IQUB: variants seen among roughly 807,000 people sequenced by gnomAD.
IQUB encodes the protein IQ motif and ubiquitin-like domain-containing protein.
A neutral mutation model predicts 86.4 loss-of-function variants in IQUB; 86 were observed. That is an observed-to-expected ratio of 1.00 (90% CI 0.84 to 1.19). IQUB has a LOEUF of 1.19. Among genes scored for constraint, IQUB ranks in the 50% most tolerant of loss-of-function variants. The probability of loss-of-function intolerance (pLI) is 0.00; values close to 1 mark genes in which losing one functional copy is unlikely to be tolerated. For synonymous variants in IQUB, 289 were observed against 304.5 expected (o/e 0.95, Z 0.53); for missense variants, 946 against 916.9 (o/e 1.03, Z -0.41).
chr7:123,466,564 G>A (rs1187862952), intron 9 of IQUB, among the ~76,000 whole-genome samples: 1 of 152,090 alleles, frequency 6.6e-6, no homozygotes, highest in African/African-American at 2.4e-5. Flanking sequence ...CTGCTGCTAT[G>A]GAGATCTGTC....
chr7:123,507,648 G>T (rs1796241777), intron 3 of IQUB, among the ~76,000 whole-genome samples: 1 of 152,080 alleles, frequency 6.6e-6, no homozygotes, highest in Non-Finnish European at 1.5e-5. Context: ...TGCAAGGCGG[G>T]TGGATCATGA....
intron 7 of IQUB, among the ~76,000 whole-genome samples, chr7:123,487,785 T>C (rs1168945818): frequency 6.6e-6 from 1 of 152,226 alleles, no homozygotes; most frequent in Non-Finnish European, 1.5e-5. Flanking sequence ...GGCTGTCACA[T>C]GTATACACAC....
chr7:123,483,602 A>G (rs1472719602), intron 7 of IQUB, among the ~76,000 whole-genome samples: 1 of 152,114 alleles, frequency 6.6e-6, no homozygotes, highest in African/African-American at 2.4e-5. Context: ...CAAGAATAAC[A>G]TAATTCCTTC....
intron 1 of IQUB, among the ~76,000 whole-genome samples, chr7:123,528,855 T>C (rs1797386596): frequency 6.6e-6 from 1 of 152,230 alleles, no homozygotes; most frequent in Non-Finnish European, 1.5e-5. Flanking sequence ...AAGGAGCTAA[T>C]TTTATTGGTT....
At chr7:123,475,925 C>T (rs1229005332) in intron 8 of IQUB, among the ~76,000 whole-genome samples, 1 of 152,124 alleles carries the variant, frequency 6.6e-6, no homozygotes, top group Non-Finnish European at 1.5e-5. Flanking sequence ...TTATAGCTTT[C>T]CTACAGTAAA....
rs906601416 is a variant in IQUB at position 123,486,726 on chromosome 7, G to A, written c.1235-6756C>T. ...CTGTTTTACAGATTTCATTTAATTT[G>A]CCCTTTACTCTCCTAGGACTACACT... On this transcript the variant is annotated intron_variant, in intron 7 of 12. Transcript: ENST00000324698. 2.6e-5 allele frequency among the ~76,000 whole-genome samples: 4 copies of A among 152,200 alleles called. No individual in the cohort carries two copies. The South Asian group carries it at 6.2e-4, about 24-fold the overall frequency.
chr7:123,480,013 C>T (rs991155671), intron 7 of IQUB, 43 bp from the exon 8 acceptor site: 2 of 1,449,608 alleles, frequency 1.4e-6, no homozygotes, highest in Non-Finnish European at 1.9e-6. Flanking sequence ...TTAAAAATCC[C>T]ATCTTGAATG....
chr7:123,502,818 CAT>C (rs1023723775), intron 5 of IQUB, 66 bp from the exon 6 acceptor site: 3 of 1,386,612 alleles, frequency 2.2e-6, no homozygotes, highest in Non-Finnish European at 3.0e-6. Flanking sequence ...AGTTTTTCTA[CAT>C]ATGTGAGTTC....
intron 1 of IQUB, among the ~76,000 whole-genome samples, chr7:123,524,087 T>C (rs1797055030): frequency 6.8e-6 from 1 of 147,512 alleles, no homozygotes; most frequent in Non-Finnish European, 1.5e-5. Flanking sequence ...ACCAGTACCA[T>C]GCTGTTTTGG....
intron 6 of IQUB, among the ~76,000 whole-genome samples, chr7:123,497,127 G>C (rs1035437959): frequency 4.6e-5 from 7 of 152,206 alleles, no homozygotes; most frequent in African/African-American, 1.4e-4. Context: ...TTCCCAGAAG[G>C]ATGTTTGTAC....
intron 1 of IQUB, among the ~76,000 whole-genome samples, chr7:123,515,849 G>T (rs1243291197): frequency 6.6e-6 from 1 of 152,120 alleles, no homozygotes; most frequent in African/African-American, 2.4e-5. Context: ...CTTTACTAAG[G>T]CTGTGTACTA....
At position 123,461,550 on chromosome 7, in the gene IQUB, T is replaced by C. The variant is rs1475873348; in HGVS notation, c.1814A>G (p.Gln605Arg). The C allele has an allele frequency of 1.9e-6, 3 of 1,611,680 alleles. No homozygotes were observed. The Admixed American group carries it at 5.0e-5, about 27-fold the overall frequency. ...AAATTCTGTAGAAGGCAAATAAAGC[T>C]GGCAACTGTGGCAAAAGTAAATCTT... ...YKKIYFCHSC[Q>R]LYLPSTEFSV... Residue 605 changes from glutamine to arginine, a missense_variant, in exon 11 of 13, where the codon CAG (glutamine) becomes CGG (arginine). Transcript: ENST00000324698.
chr7:123,503,014 T>A lies in IQUB; in HGVS notation c.797A>T (p.His266Leu). ...FRHKVTGVEY[H>L]NAGTQTVPKR... is the part of the protein sequence containing the mutation. The stretch of plus-strand genomic sequence containing the variant: ...AGGTACAGTTTGTGTTCCAGCATTG[T>A]GATACTCTACTCCTGTTACTTTATG... The change falls in exon 5 of 13, where the codon CAC (histidine) becomes CTC (leucine). Residue 266 changes from histidine (H) to leucine (L), a missense_variant. By Grantham distance (99) the His-to-Leu change is moderately conservative. Transcript: ENST00000324698. The A allele has an allele frequency of 1.9e-6, 3 of 1,613,292 alleles. No individual in the cohort carries two copies. Among genetic ancestry groups the A allele is most frequent in the Non-Finnish European group, 2.5e-6 (3 of 1,179,512 alleles).
intron 8 of IQUB, among the ~76,000 whole-genome samples, chr7:123,478,650 TA>T (rs1338796777): frequency 6.6e-6 from 1 of 152,046 alleles, no homozygotes; most frequent in African/African-American, 2.4e-5. Flanking sequence ...ACCAAGGATT[TA>T]AAAAAAGATT....
At chr7:123,486,170 T>G (rs904651103) in intron 7 of IQUB, among the ~76,000 whole-genome samples, 2 of 152,138 alleles carry the variant, frequency 1.3e-5, no homozygotes, top group African/African-American at 2.4e-5. Flanking sequence ...CTGGCCACAG[T>G]ATGGACCACC....
In IQUB at chr7:123,488,162, T is replaced by A. The variant is rs1795290607; in HGVS notation, c.1235-8192A>T. On this transcript the variant is annotated intron_variant, in intron 7 of 12. Transcript: ENST00000324698. The stretch of plus-strand genomic sequence containing the variant: ...AGATCGAGACCACGGTGAAACCCCG[T>A]CTCTACTAAAAATACAAAAAATAAA... Among the ~76,000 whole-genome samples the A allele has an allele frequency of 4.6e-5, 7 of 150,874 alleles. No individual in the cohort carries two copies. The South Asian group carries it at 1.5e-3, about 32-fold the overall frequency.
In IQUB at chr7:123,457,480, C is replaced by G. The variant is rs768691029; in HGVS notation, c.2094G>C (p.Met698Ile). The G allele has an allele frequency of 1.2e-6, 2 of 1,611,448 alleles. No individual in the cohort carries two copies. The highest frequency in any genetic ancestry group is 3.4e-5 in the Admixed American group (2 of 59,486). Residue 698 changes from methionine (M) to isoleucine (I), a missense_variant, in exon 12 of 13, where the codon ATG becomes ATC. Physicochemically the swap from Met to Ile is conservative, Grantham distance 10 (BLOSUM62 1). Transcript: ENST00000324698. ...ACTCCAGGGATTTATTCCATCTGAC[C>G]ATGACCAGATCACTGAGATTGTCGC... The part of the protein sequence containing the change: ...SACDNLSDLV[M>I]VRWNKSLEWS...
intron 11 of IQUB, 46 bp downstream of exon 11, chr7:123,461,311 T>C (rs1438404737): frequency 1.3e-6 from 2 of 1,548,546 alleles, no homozygotes; most frequent in Non-Finnish European, 8.7e-7. Context: ...CAAGATAGCC[T>C]CCTTGACAAG....
intron 12 of IQUB, among the ~76,000 whole-genome samples, chr7:123,454,046 A>G (rs1054383264): frequency 6.6e-6 from 1 of 152,144 alleles, no homozygotes; most frequent in Admixed American, 6.6e-5. Context: ...AAGATAAAAG[A>G]AAGTCCTGGG....
Sources: gnomAD v4.1 joint callset for allele counts (sites outside exome capture counted in the v4.1 genomes callset) on GRCh38, gnomAD v4.1.1 for gene constraint, MANE v1.5 for transcripts, NCBI Gene and HGNC (gene_info 2026-07-23, HGNC 2026-07-21) for gene names.